CSK: variants seen among roughly 807,000 people sequenced by gnomAD.
CSK encodes tyrosine-protein kinase CSK.
In CSK, 7 loss-of-function variants were observed where a neutral mutation model predicts 62.3. That is an observed-to-expected ratio of 0.11 (90% CI 0.06 to 0.21). The LOEUF is 0.21. CSK is among the 10% of genes least tolerant of loss of function. The pLI, the probability that CSK is intolerant of heterozygous loss-of-function variation, is 1.00. For missense variants in CSK, 294 were observed against 613.5 expected, an observed-to-expected ratio of 0.48 and a Z score of 5.50; for synonymous variants, 237 against 246.0, an observed-to-expected ratio of 0.96 and a Z score of 0.34.
chr15:74,786,018 T>G (rs1325263214), intron 1 of CSK, among the ~76,000 whole-genome samples: 1 of 131,896 alleles, frequency 7.6e-6, no homozygotes, highest in African/African-American at 2.7e-5. Flanking sequence ...TTTTTTTGTG[T>G]GTGTGTGTGT....
Position 74,798,373 on chromosome 15 carries a change from T to C in CSK, c.15+61T>C. The C allele has an allele frequency of 6.3e-7, 1 of 1,583,670 alleles. No individual in the cohort carries two copies. The highest frequency in any genetic ancestry group is 8.6e-7 in the Non-Finnish European group (1 of 1,161,914). On this transcript the variant is annotated intron_variant, in intron 2 of 12. Transcript: ENST00000220003. This position sits in a 1 kb window ranked among gnomAD's most constrained non-coding sequence, Gnocchi z 6.6. The stretch of plus-strand genomic sequence containing the variant: ...TTCCCACCAGCCCCAGCGGGGTGCT[T>C]AGCAGAGGAGAGAGGATGCAGCTTA...
chr15:74,800,346 G>A, intron 5 of CSK, 66 bp from the exon 6 acceptor site: 3 of 1,454,904 alleles, frequency 2.1e-6, no homozygotes, highest in Non-Finnish European at 2.9e-6. Context: ...CTGGTGGTCA[G>A]GCCTGGACGG....
intron 1 of CSK, among the ~76,000 whole-genome samples, chr15:74,791,805 GC>G (rs532072902): frequency 3.5e-4 from 53 of 152,004 alleles, no homozygotes; most frequent in South Asian, 2.1e-3. Flanking sequence ...TGGCAGGAAC[GC>G]CCCCCCGGGC....
At chr15:74,786,220 C>G (rs1043270227) in intron 1 of CSK, among the ~76,000 whole-genome samples, 1 of 151,866 alleles carries the variant, frequency 6.6e-6, no homozygotes, top group Non-Finnish European at 1.5e-5. Flanking sequence ...GGGGTTTCTC[C>G]GTGTTGGTCA....
intron 1 of CSK, among the ~76,000 whole-genome samples, chr15:74,792,081 A>G (rs1293735934): frequency 6.6e-6 from 1 of 151,852 alleles, no homozygotes. Flanking sequence ...GCATCTAGAG[A>G]TCTCCCCTGG....
At chr15:74,801,421 C>A in intron 9 of CSK, 101 bp from the exon 10 acceptor site, 2 of 1,181,050 alleles carry the variant, frequency 1.7e-6, no homozygotes, top group Non-Finnish European at 2.4e-6. Flanking sequence ...CCCTGTCTCA[C>A]ACCTCCCTGG....
rs1247514280 is a variant in CSK, at chr15:74,798,934, A to G, written c.238A>G (p.Met80Val). The G allele has an allele frequency of 6.6e-7, 1 of 1,520,986 alleles. No homozygotes were observed. 94.2% of individuals were successfully genotyped at this position (1,520,986 alleles called of 1,614,324 possible). Residue 80 changes from methionine (M) to valine (V), a missense_variant, in exon 4 of 13, where the codon ATG becomes GTG. This residue lies in a region of CSK where 202 missense variants were observed against 415.7 expected (regional missense o/e 0.49). Coordinates refer to ENST00000220003, the MANE Select transcript of CSK (RefSeq NM_004383.3). The surrounding 1 kb of genome is among the most constrained non-coding windows in gnomAD (Gnocchi z 6.6). ...GVKAGTKLSL[M>V]PWFHGKITRE... is the part of the protein sequence containing the mutation. ...GAAGGCGGGTACCAAACTCAGCCTCATGCCGTGAGTACCACGAGGAGGGGT... is the reference window on the plus strand; with the variant it reads ...GAAGGCGGGTACCAAACTCAGCCTCGTGCCGTGAGTACCACGAGGAGGGGT...
chr15:74,800,383 C>G (rs761456497), intron 5 of CSK, 29 bp from the exon 6 acceptor site: 1 of 1,606,412 alleles, frequency 6.2e-7, no homozygotes, highest in Non-Finnish European at 8.5e-7. Flanking sequence ...TGGGCTGTCT[C>G]TGAGCACCCT....
Position 74,798,034 on chromosome 15 carries a change from T to C in CSK, c.-65-199T>C. 1 of 429,882 alleles carries C rather than the reference T, an allele frequency of 2.3e-6. No homozygotes were observed. Among genetic ancestry groups the C allele is most frequent in the South Asian group, 3.7e-5 (1 of 27,234 alleles). 26.6% of individuals were successfully genotyped at this position (429,882 alleles called of 1,614,324 possible). ...TGTGGCCTTAGGGTTGGTGGCTCCCTCTGCCCCTGGGGGTCCTCAGCCCTC... is the reference window on the plus strand; with the variant it reads ...TGTGGCCTTAGGGTTGGTGGCTCCCCCTGCCCCTGGGGGTCCTCAGCCCTC... On this transcript the variant is annotated intron_variant, in intron 1 of 12. Transcript: ENST00000220003. The surrounding 1 kb of genome is among the most constrained non-coding windows in gnomAD (Gnocchi z 6.6).
At chr15:74,800,576 T>A in intron 6 of CSK, 71 bp downstream of exon 6, 1 of 1,549,624 alleles carries the variant, frequency 6.5e-7, no homozygotes, top group South Asian at 1.2e-5. Context: ...CACTGCCCCA[T>A]CCAGGAACCT....
chr15:74,800,080 A>C (rs2063765398), intron 5 of CSK, among the ~76,000 whole-genome samples: 1 of 152,164 alleles, frequency 6.6e-6, no homozygotes, highest in Admixed American at 6.5e-5. Flanking sequence ...GGCCTGTGGC[A>C]GGTGAGGGTG....
chr15:74,787,440 A>G (rs559154614), intron 1 of CSK, among the ~76,000 whole-genome samples: 2 of 152,202 alleles, frequency 1.3e-5, no homozygotes, highest in East Asian at 3.9e-4. Flanking sequence ...CATTAGAAAA[A>G]AAATCCCATT....
chr15:74,782,807 C>G lies in CSK; in HGVS notation c.-66+87C>G, dbSNP rs1596365450. On this transcript the variant is annotated intron_variant, in intron 1 of 12. Coordinates refer to ENST00000220003, the MANE Select transcript of CSK (RefSeq NM_004383.3). This position sits in a 1 kb window ranked among gnomAD's most constrained non-coding sequence, Gnocchi z 5.7. ...GTCTCTGTTGCTGCCACTGTCGCGT[C>G]CACTCCCATTCCCCTCTTCTCCCAC... 1.3e-5 allele frequency: 2 copies of G among 152,664 alleles called. No individual in the cohort carries two copies. The highest frequency in any genetic ancestry group is 6.5e-5 in the Admixed American group (1 of 15,312). 9.5% of individuals were successfully genotyped at this position (152,664 alleles called of 1,614,324 possible).
intron 1 of CSK, among the ~76,000 whole-genome samples, chr15:74,794,248 C>T (rs35213055): frequency 0.28 from 9,684 of 34,310 alleles, 4,111 homozygotes; most frequent in Non-Finnish European, 0.52. Context: ...GAGGCAGGGG[C>T]AAGGGGTCCC....
Position 74,802,680 on chromosome 15 carries a change from C to T in CSK, c.*167C>T. The T allele has an allele frequency of 1.2e-6, 1 of 821,832 alleles. No homozygotes were observed. The highest frequency in any genetic ancestry group is 1.8e-6 in the Non-Finnish European group (1 of 562,240). The allele number at this position is 821,832 out of a possible 1,614,324, so 50.9% of individuals were successfully genotyped here. On this transcript the variant is annotated 3_prime_UTR_variant, in exon 13 of 13. Transcript: ENST00000220003. ...CCTCCGGCCCCGTCTCTCTTGGACC[C>T]ACCTGTGGGGCCTGGGGAGCCCACT...
chr15:74,796,649 G>A (rs199924490), intron 1 of CSK, among the ~76,000 whole-genome samples: 2 of 151,606 alleles, frequency 1.3e-5, no homozygotes, highest in Admixed American at 6.6e-5. Flanking sequence ...CTGGACCTGC[G>A]CAGTTCAGAC....
Position 74,782,540 on chromosome 15 carries a change from G to T in CSK, c.-246G>T. On this transcript the variant is annotated 5_prime_UTR_variant, in exon 1 of 13. Transcript: ENST00000220003. The surrounding 1 kb of genome is among the most constrained non-coding windows in gnomAD (Gnocchi z 5.7). ...CTTCCCTCCGCGACCCGGGCCGTGC[G>T]TCCGTCCCCCTGCCTCTGCCTGGCG... 6.7e-6 allele frequency: 1 copy of T among 149,674 alleles called. No homozygotes were observed. The highest frequency in any genetic ancestry group is 1.5e-5 in the Non-Finnish European group (1 of 67,422). 9.3% of individuals were successfully genotyped at this position (149,674 alleles called of 1,614,324 possible). A position where few individuals can be genotyped will look rare whatever the true frequency, so the allele number is the denominator to read the frequency against.
At chr15:74,789,651 CCTT>C (rs1398842299) in intron 1 of CSK, among the ~76,000 whole-genome samples, 1 of 152,160 alleles carries the variant, frequency 6.6e-6, no homozygotes, top group South Asian at 2.1e-4. Flanking sequence ...CCATCCTGAA[CCTT>C]CTTCAGTCTT....
intron 1 of CSK, among the ~76,000 whole-genome samples, chr15:74,797,487 G>T (rs2063724579): frequency 6.6e-6 from 1 of 152,136 alleles, no homozygotes; most frequent in South Asian, 2.1e-4. Flanking sequence ...TTGTGCTACT[G>T]CACTCCAGCC....
Sources: gnomAD v4.1 joint callset for allele counts (sites outside exome capture counted in the v4.1 genomes callset) on GRCh38, gnomAD v4.1.1 for gene constraint, gnomAD v4.1.1 regional missense constraint, Gnocchi (gnomAD v3.1) non-coding constraint, MANE v1.5 for transcripts, NCBI Gene and HGNC (gene_info 2026-07-23, HGNC 2026-07-21) for gene names.